HPCAL4: variants seen among roughly 807,000 people sequenced by gnomAD.
HPCAL4 encodes the protein hippocalcin like 4, also known as hippocalcin-like protein 4.
In HPCAL4, 16 loss-of-function variants were observed where a neutral mutation model predicts 18.2. The observed-to-expected ratio is 0.88, with a 90% CI of 0.59 to 1.33. The LOEUF is 1.33. Among genes scored for constraint, HPCAL4 ranks in the 40% most tolerant of loss-of-function variants. The pLI, the probability that HPCAL4 is intolerant of heterozygous loss-of-function variation, is 0.00. For missense variants in HPCAL4, 214 were observed against 256.6 expected (o/e 0.83, Z 1.14); for synonymous variants, 80 against 97.5 (o/e 0.82, Z 1.06).
In HPCAL4 at chr1:39,683,932, C is replaced by T. The variant is rs1159431613; in HGVS notation, c.378+5G>A. On this transcript the variant is annotated splice_donor_5th_base_variant and intron_variant, in intron 3 of 3. Transcript: ENST00000372844. Reference sequence around the variant, plus strand: ...GGGAACAGCAGCGCCCGCGCGGCCCCGCACCTCGATGATCTCCAGCATCTC... The same window carrying T: ...GGGAACAGCAGCGCCCGCGCGGCCCTGCACCTCGATGATCTCCAGCATCTC... 5 of 1,612,296 alleles carry T rather than the reference C, an allele frequency of 3.1e-6. No homozygotes were observed. In the Middle Eastern group the frequency reaches 5.0e-4, roughly 161 times the overall value.
Position 39,684,089 on chromosome 1 carries a change from C to G in HPCAL4, c.226G>C (p.Gly76Arg), listed in dbSNP as rs756698753. 1.9e-6 allele frequency: 3 copies of G among 1,613,944 alleles called. No individual in the cohort carries two copies. Among genetic ancestry groups the G allele is most frequent in the Non-Finnish European group, 1.7e-6 (2 of 1,179,876 alleles). ...TCCCGGAAGTCGATGGTGCCGTCGC[C>G]GTTCTTGTCGAAGGTGCGGAAAGCG... The part of the protein sequence containing the change: ...QHAFRTFDKN[G>R]DGTIDFREFI... Residue 76 changes from glycine to arginine, a missense_variant, in exon 3 of 4, where the codon GGC becomes CGC. Transcript: ENST00000372844.
Position 39,682,552 on chromosome 1 carries a change from C to T in HPCAL4, c.560G>A (p.Cys187Tyr). ...SDPSIVLLLQ[C>Y]DMQK Reference sequence around the variant, plus strand: ...CACCAGCTTCTACTTCTGCATGTCACACTGCAGCAGCAACACAATGGATGG... The same window carrying T: ...CACCAGCTTCTACTTCTGCATGTCATACTGCAGCAGCAACACAATGGATGG... Residue 187 changes from cysteine to tyrosine, a missense_variant, in exon 4 of 4, where the codon TGT (cysteine) becomes TAT (tyrosine). Cys to Tyr is a radical substitution (Grantham distance 194). Transcript: ENST00000372844. 2 of 1,614,246 alleles carry T rather than the reference C, an allele frequency of 1.2e-6. No homozygotes were observed. Among genetic ancestry groups the T allele is most frequent in the Non-Finnish European group, 1.7e-6 (2 of 1,180,030 alleles).
At chr1:39,687,284 G>A (rs895651361) in intron 1 of HPCAL4, among the ~76,000 whole-genome samples, 3 of 152,254 alleles carry the variant, frequency 2.0e-5, no homozygotes, top group African/African-American at 7.2e-5. Flanking sequence ...AACACCCATA[G>A]GCAAAAGGAG....
intron 1 of HPCAL4, among the ~76,000 whole-genome samples, chr1:39,685,102 A>G (rs188656746): frequency 2.0e-5 from 3 of 152,342 alleles, no homozygotes; most frequent in East Asian, 1.9e-4. Flanking sequence ...TCTTTCCTCT[A>G]TACAAATAGA....
chr1:39,683,785 A>C (rs2124187782), intron 3 of HPCAL4, 152 bp downstream of exon 3: 2 of 677,150 alleles, frequency 3.0e-6, no homozygotes, highest in Non-Finnish European at 2.5e-6. Flanking sequence ...CGGGTAAAGC[A>C]TTTAGCCCGG....
intron 1 of HPCAL4, among the ~76,000 whole-genome samples, chr1:39,687,453 T>C (rs1006386740): frequency 4.0e-4 from 61 of 152,160 alleles, no homozygotes; most frequent in African/African-American, 1.3e-3. Flanking sequence ...AGGGGCTGGG[T>C]CTGTGTGTGG....
intron 1 of HPCAL4, among the ~76,000 whole-genome samples, chr1:39,685,162 A>G (rs1424831443): frequency 6.6e-6 from 1 of 152,236 alleles, no homozygotes; most frequent in Non-Finnish European, 1.5e-5. Flanking sequence ...TTCCCTGAGC[A>G]TTTATTGAGA....
In HPCAL4 at chr1:39,683,921, C is replaced by T. The variant is rs766544610; in HGVS notation, c.378+16G>A. 4 of 1,608,846 alleles carry T rather than the reference C, an allele frequency of 2.5e-6. No individual in the cohort carries two copies. On this transcript the variant is annotated intron_variant, in intron 3 of 3. Transcript: ENST00000372844. Reference sequence around the variant, plus strand: ...GCGCTGGCCTCGGGAACAGCAGCGCCCGCGCGGCCCCGCACCTCGATGATC... The same window carrying T: ...GCGCTGGCCTCGGGAACAGCAGCGCTCGCGCGGCCCCGCACCTCGATGATC...
chr1:39,688,942 C>T (rs1048138934), intron 1 of HPCAL4, among the ~76,000 whole-genome samples: 5 of 152,140 alleles, frequency 3.3e-5, no homozygotes, highest in Non-Finnish European at 7.3e-5. Context: ...CCCCCACAGG[C>T]GTGTAGACTT....
At chr1:39,683,826 G>T (rs1646647868) in intron 3 of HPCAL4, 111 bp downstream of exon 3, 3 of 925,070 alleles carry the variant, frequency 3.2e-6, no homozygotes, top group Admixed American at 2.1e-5. Context: ...AGGCGGGATC[G>T]CAGGCTGGGG....
rs1315289347 is a variant in HPCAL4 at position 39,683,966 on chromosome 1, T to C, written c.349A>G (p.Thr117Ala). 1.9e-6 allele frequency: 3 copies of C among 1,613,786 alleles called. No homozygotes were observed. Among genetic ancestry groups the C allele is most frequent in the Non-Finnish European group, 2.5e-6 (3 of 1,179,844 alleles). Residue 117 changes from threonine (T) to alanine (A), a missense_variant, in exon 3 of 4, where the codon ACG becomes GCG. By Grantham distance (58) the Thr-to-Ala change is moderately conservative (BLOSUM62 0). Transcript: ENST00000372844. ...ATGATCTCCAGCATCTCCAGGCGCG[T>C]GATGCGCCCGTCGCCGTCCAGGTCG... The part of the protein sequence containing the change: ...MYDLDGDGRI[T>A]RLEMLEIIEA...
At position 39,679,132 on chromosome 1, in the gene HPCAL4, T is replaced by A. The variant is rs1206470047; in HGVS notation, c.*3404A>T. 1 of 152,256 alleles carries A rather than the reference T, an allele frequency of 6.6e-6. No individual in the cohort carries two copies. The highest frequency in any genetic ancestry group is 1.5e-5 in the Non-Finnish European group (1 of 68,042). The allele number at this position is 152,256 out of a possible 1,614,324, so 9.4% of individuals were successfully genotyped here. On this transcript the variant is annotated 3_prime_UTR_variant, in exon 4 of 4. Transcript: ENST00000372844. The stretch of plus-strand genomic sequence containing the variant: ...AGGAAATATTTGTTGCTTCAATACA[T>A]TTTTGTGTAAAAAATATTTAGTGTC...
rs1193309228 is a variant in HPCAL4 at position 39,684,134 on chromosome 1, C to A, written c.181G>T (p.Ala61Ser). The stretch of plus-strand genomic sequence containing the variant: ...AAAGCGTGCTGCGCGAACTTGGAGG[C>A]GTCGCCGTAGGGGAAGAACTGAGGG... The part of the protein sequence containing the change: ...LYIKFFPYGD[A>S]SKFAQHAFRT... The change falls in exon 3 of 4, where the codon GCC (alanine) becomes TCC (serine). Residue 61 changes from alanine to serine, a missense_variant. Ala to Ser is a moderately conservative substitution (Grantham distance 99). Coordinates refer to ENST00000372844, the MANE Select transcript of HPCAL4 (RefSeq NM_016257.4). The A allele has an allele frequency of 6.2e-7, 1 of 1,611,788 alleles. No individual in the cohort carries two copies. The highest frequency in any genetic ancestry group is 1.3e-5 in the African/African-American group (1 of 74,222).
In HPCAL4 at chr1:39,679,944, AGAT is replaced by A. The variant is rs1646611038; in HGVS notation, c.*2589_*2591del. 6.6e-6 allele frequency: 1 copy of A among 152,604 alleles called. No individual in the cohort carries two copies. Among genetic ancestry groups the A allele is most frequent in the African/African-American group, 2.4e-5 (1 of 41,434 alleles). 9.5% of individuals were successfully genotyped at this position (152,604 alleles called of 1,614,324 possible). ...TGGGTAGGCATGTTTCTCTTAGTGA[AGAT>A]GATGGTGGGTAAAGACAATGCAGGA... On this transcript the variant is annotated 3_prime_UTR_variant, in exon 4 of 4. Coordinates refer to ENST00000372844, the MANE Select transcript of HPCAL4 (RefSeq NM_016257.4).
intron 1 of HPCAL4, among the ~76,000 whole-genome samples, chr1:39,685,200 T>C (rs1646663195): frequency 1.3e-5 from 2 of 152,194 alleles, no homozygotes; most frequent in Non-Finnish European, 2.9e-5. Context: ...CCTGTGCCAG[T>C]GATGGAGATG....
chr1:39,684,408 C>T, intron 2 of HPCAL4, 34 bp downstream of exon 2: 1 of 1,313,378 alleles, frequency 7.6e-7, no homozygotes, highest in Admixed American at 2.5e-5. Flanking sequence ...AACCCGGGTA[C>T]TTGGCTCCCT....
intron 1 of HPCAL4, among the ~76,000 whole-genome samples, chr1:39,687,818 A>T (rs1646687877): frequency 6.6e-6 from 1 of 152,020 alleles, no homozygotes; most frequent in African/African-American, 2.4e-5. Flanking sequence ...TGGGAGGATC[A>T]CTTGAGCCCA....
At chr1:39,682,832 G>A (rs1646638482) in intron 3 of HPCAL4, 99 bp from the exon 4 acceptor site, 1 of 865,872 alleles carries the variant, frequency 1.2e-6, no homozygotes, top group South Asian at 1.4e-5. Flanking sequence ...ACTGGGGGTT[G>A]GTGAGGATAC....
At chr1:39,687,074 C>T (rs966064060) in intron 1 of HPCAL4, among the ~76,000 whole-genome samples, 9 of 152,200 alleles carry the variant, frequency 5.9e-5, no homozygotes, top group African/African-American at 2.2e-4. Context: ...AGTTACAGAT[C>T]CTCTCTGGGC....
Sources: allele counts gnomAD v4.1 joint callset (sites outside exome capture counted in the v4.1 genomes callset), GRCh38; gene constraint gnomAD v4.1.1; transcripts MANE v1.5; gene names NCBI Gene and HGNC (gene_info 2026-07-23, HGNC 2026-07-21).